Variants in OPHN1 observed in about 807,000 individuals in gnomAD.
The protein encoded by OPHN1 is oligophrenin 1, also known as oligophrenin-1.
OPHN1 carries 11 observed loss-of-function variants against 60.7 expected under a neutral mutation model. That is an observed-to-expected ratio of 0.18 (90% CI 0.11 to 0.30). The LOEUF is 0.30. Ranked by LOEUF, OPHN1 falls within the 10% of genes least tolerant of loss-of-function variation. The pLI, the probability that OPHN1 is intolerant of heterozygous loss-of-function variation, is 1.00. For missense variants in OPHN1, 449 were observed against 611.0 expected, an observed-to-expected ratio of 0.73 and a Z score of 2.80; for synonymous variants, 226 against 222.6, an observed-to-expected ratio of 1.02 and a Z score of -0.14.
At chrX:68,222,587 T>C (rs1037096293) in intron 6 of OPHN1, among the ~76,000 whole-genome samples, 37 of 103,099 alleles carry the variant, frequency 3.6e-4, no homozygotes, top group African/African-American at 1.2e-3. Context: ...CACTATGGAA[T>C]AGTATGCAGC....
intron 6 of OPHN1, among the ~76,000 whole-genome samples, chrX:68,228,286 A>T (rs2077707687): frequency 8.9e-6 from 1 of 111,989 alleles, no homozygotes. Context: ...AACCAAAAAA[A>T]GTCCAGGACC....
chrX:68,174,633 AG>A (rs2077406471), intron 15 of OPHN1, among the ~76,000 whole-genome samples: 4 of 108,987 alleles, frequency 3.7e-5, no homozygotes, highest in Admixed American at 9.9e-5. Flanking sequence ...CACCACACTC[AG>A]CTAATTTTTT....
chrX:68,047,842 A>G (rs1363397098), intron 24 of OPHN1, among the ~76,000 whole-genome samples: 1 of 112,262 alleles, frequency 8.9e-6, no homozygotes, highest in Non-Finnish European at 1.9e-5. Flanking sequence ...TGTGATATGC[A>G]TCAAATGAAA....
At chrX:68,376,244 C>G (rs2078556176) in intron 2 of OPHN1, among the ~76,000 whole-genome samples, 1 of 111,765 alleles carries the variant, frequency 8.9e-6, no homozygotes, top group Admixed American at 9.7e-5. Flanking sequence ...GAAGGAGACT[C>G]AAATGGAACA....
chrX:68,414,097 T>TA (rs2078782434), intron 2 of OPHN1, among the ~76,000 whole-genome samples: 1 of 111,727 alleles, frequency 9.0e-6, no homozygotes, highest in South Asian at 3.8e-4. Context: ...ATAAAATACT[T>TA]AGAGACTACT....
intron 5 of OPHN1, among the ~76,000 whole-genome samples, chrX:68,266,114 A>C (rs976364241): frequency 3.6e-5 from 4 of 111,792 alleles, no homozygotes; most frequent in African/African-American, 1.3e-4. Flanking sequence ...GCAGGATATT[A>C]TCCAGGAGAA....
intron 15 of OPHN1, among the ~76,000 whole-genome samples, chrX:68,163,753 C>CT (rs1166481578): frequency 9.0e-6 from 1 of 110,981 alleles, no homozygotes; most frequent in Non-Finnish European, 1.9e-5. Context: ...CACTTGTTAT[C>CT]TTTTGTCTAT....
intron 9 of OPHN1, 99 bp downstream of exon 9, chrX:68,210,054 G>A (rs1386692132): frequency 1.1e-6 from 1 of 873,715 alleles, no homozygotes; most frequent in South Asian, 2.1e-5. Context: ...AGCTATCAGG[G>A]GTCTATGAAC....
intron 2 of OPHN1, among the ~76,000 whole-genome samples, chrX:68,300,583 C>G (rs1312488076): frequency 8.9e-6 from 1 of 112,312 alleles, no homozygotes; most frequent in Admixed American, 9.4e-5. Flanking sequence ...CAAGTGCATG[C>G]ACACCCTTCA....
intron 15 of OPHN1, chrX:68,133,584 A>C: frequency 2.6e-6 from 1 of 382,736 alleles, no homozygotes; most frequent in Non-Finnish European, 4.9e-6. Context: ...CATTTTATAC[A>C]ACTTGAAAGA....
At chrX:68,144,184 A>T (rs912045641) in intron 15 of OPHN1, among the ~76,000 whole-genome samples, 7 of 109,275 alleles carry the variant, frequency 6.4e-5, no homozygotes, top group African/African-American at 2.3e-4. Context: ...ACACCTGGTT[A>T]TTTTTTTTAA....
chrX:68,419,812 T>C (rs2078818054), intron 2 of OPHN1, among the ~76,000 whole-genome samples: 1 of 111,822 alleles, frequency 8.9e-6, no homozygotes, highest in African/African-American at 3.3e-5. Context: ...AAAGTCCTGG[T>C]ATTATGGACG....
intron 10 of OPHN1, among the ~76,000 whole-genome samples, chrX:68,205,177 G>A (rs1051199460): frequency 3.6e-5 from 4 of 111,482 alleles, no homozygotes; most frequent in African/African-American, 6.5e-5. Flanking sequence ...AACTGGCACC[G>A]TGGCTCACAC....
chrX:68,168,495 T>C (rs1354350595), intron 15 of OPHN1, among the ~76,000 whole-genome samples: 2 of 110,291 alleles, frequency 1.8e-5, no homozygotes, highest in Non-Finnish European at 3.8e-5. Flanking sequence ...CTGGGACACA[T>C]TCAAAGCACT....
rs1284636071 is a variant in OPHN1 at position 68,045,239 on chromosome X, CG to C, written c.*1932del. 1.8e-5 allele frequency: 2 copies of C among 111,640 alleles called. No homozygotes were observed. Among genetic ancestry groups the C allele is most frequent in the African/African-American group, 6.5e-5 (2 of 30,678 alleles). 9.2% of individuals were successfully genotyped at this position (111,640 alleles called of 1,213,427 possible). On this transcript the variant is annotated 3_prime_UTR_variant, in exon 25 of 25. Coordinates refer to ENST00000355520, the MANE Select transcript of OPHN1 (RefSeq NM_002547.3). ...CTGGGTACAGTGGAGTGAGTTCAAC[CG>C]GGCCACCTGGATATGCCTTGATTTA... is the stretch of plus-strand genomic sequence containing the variant.
At chrX:68,212,970 G>A (rs1414186290) in intron 7 of OPHN1, among the ~76,000 whole-genome samples, 1 of 112,428 alleles carries the variant, frequency 8.9e-6, no homozygotes, top group Non-Finnish European at 1.9e-5. Flanking sequence ...AAGATCAAAG[G>A]AGTCTAAACC....
intron 5 of OPHN1, among the ~76,000 whole-genome samples, chrX:68,264,741 C>G (rs1223337487): frequency 1.8e-5 from 2 of 112,279 alleles, no homozygotes; most frequent in Non-Finnish European, 3.8e-5. Flanking sequence ...TTGCCTCACC[C>G]GGGAAGTGCA....
intron 23 of OPHN1, among the ~76,000 whole-genome samples, chrX:68,052,081 G>A (rs1355154468): frequency 8.9e-6 from 1 of 111,859 alleles, no homozygotes; most frequent in Non-Finnish European, 1.9e-5. Flanking sequence ...CCTGAGGTCA[G>A]GAGTTCGAGA....
intron 2 of OPHN1, among the ~76,000 whole-genome samples, chrX:68,335,675 A>C (rs1020938122): frequency 6.3e-5 from 7 of 111,660 alleles, no homozygotes; most frequent in African/African-American, 2.3e-4. Flanking sequence ...ACGCCTGTAA[A>C]ATCAGCACTT....
Sources: gnomAD v4.1 joint callset for allele counts (sites outside exome capture counted in the v4.1 genomes callset) on GRCh38, gnomAD v4.1.1 for gene constraint, MANE v1.5 for transcripts, NCBI Gene and HGNC (gene_info 2026-07-23, HGNC 2026-07-21) for gene names.